The following BTC variants were observed in gnomAD, a reference collection of about 807,000 sequenced individuals.
BTC encodes probetacellulin.
Under a neutral mutation model 18.1 loss-of-function variants are expected in BTC, and 13 were observed. That is an observed-to-expected ratio of 0.72 (90% CI 0.47 to 1.14). BTC has a LOEUF of 1.14. Ranked by LOEUF, BTC falls within the 50% of genes most tolerant of loss-of-function variation. BTC has a pLI of 0.00. For missense variants in BTC, 247 were observed against 224.2 expected, an observed-to-expected ratio of 1.10 and a Z score of -0.65; for synonymous variants, 83 against 79.4, an observed-to-expected ratio of 1.05 and a Z score of -0.24.
intron 1 of BTC, among the ~76,000 whole-genome samples, chr4:74,774,591 T>TAA (rs35445298): frequency 6.9e-5 from 10 of 144,678 alleles, no homozygotes; most frequent in South Asian, 4.4e-4. Flanking sequence ...GGGCATTCTT[T>TAA]AAAAAAAAAA....
chr4:74,781,501 C>A (rs909444841), intron 1 of BTC, among the ~76,000 whole-genome samples: 1 of 151,774 alleles, frequency 6.6e-6, no homozygotes, highest in Admixed American at 6.6e-5. Flanking sequence ...GTGGCCTCTT[C>A]TTTAGCCTCA....
At chr4:74,782,116 T>G (rs1256678246) in intron 1 of BTC, among the ~76,000 whole-genome samples, 1 of 152,184 alleles carries the variant, frequency 6.6e-6, no homozygotes, top group Non-Finnish European at 1.5e-5. Flanking sequence ...TTCTTTTTTT[T>G]TCATTTTAAG....
At chr4:74,794,202 C>T in intron 1 of BTC, 60 bp downstream of exon 1, 1 of 1,544,860 alleles carries the variant, frequency 6.5e-7, no homozygotes, top group South Asian at 1.2e-5. Context: ...GGTTCGCCCT[C>T]CCCGCGACTC....
chr4:74,762,350 A>G (rs964817638), intron 2 of BTC, among the ~76,000 whole-genome samples: 1 of 152,172 alleles, frequency 6.6e-6, no homozygotes, highest in African/African-American at 2.4e-5. Flanking sequence ...TGAACAAATT[A>G]CTTTACCTCT....
At chr4:74,760,361 G>T (rs1473036620) in intron 2 of BTC, among the ~76,000 whole-genome samples, 2 of 152,242 alleles carry the variant, frequency 1.3e-5, no homozygotes, top group African/African-American at 4.8e-5. Context: ...CATATAGGAA[G>T]TAGAGCCTAG....
chr4:74,749,483 AAAAT>A (rs10654944), intron 4 of BTC, among the ~76,000 whole-genome samples: 26 of 143,734 alleles, frequency 1.8e-4, no homozygotes, highest in East Asian at 1.0e-3. Flanking sequence ...ACTCTGTCTC[AAAAT>A]AAATAAATAA....
intron 1 of BTC, among the ~76,000 whole-genome samples, chr4:74,771,033 G>C (rs537911398): frequency 2.2e-4 from 33 of 151,866 alleles, no homozygotes; most frequent in African/African-American, 7.5e-4. Flanking sequence ...GTGACGAAAA[G>C]GCATGGATGA....
chr4:74,757,373 C>T (rs2035286776), intron 2 of BTC, among the ~76,000 whole-genome samples: 1 of 152,094 alleles, frequency 6.6e-6, no homozygotes, highest in South Asian at 2.1e-4. Context: ...ACTGGCTAAC[C>T]TGGTTTGATT....
chr4:74,778,940 C>A (rs1351601559), intron 1 of BTC, among the ~76,000 whole-genome samples: 1 of 152,096 alleles, frequency 6.6e-6, no homozygotes, highest in Non-Finnish European at 1.5e-5. Context: ...AGGAATTTTC[C>A]AAGTTTTCTT....
chr4:74,764,291 A>G (rs978563919), intron 2 of BTC, among the ~76,000 whole-genome samples: 6 of 152,230 alleles, frequency 3.9e-5, no homozygotes, highest in Non-Finnish European at 7.3e-5. Context: ...ACTGGCTTTT[A>G]CACAATGAGT....
At chr4:74,788,928 G>A (rs148135814) in intron 1 of BTC, among the ~76,000 whole-genome samples, 115 of 152,324 alleles carry the variant, frequency 7.5e-4, no homozygotes, top group African/African-American at 2.6e-3. Context: ...GGGAGAAAGC[G>A]ATTCTTACAT....
intron 1 of BTC, among the ~76,000 whole-genome samples, chr4:74,784,520 C>T (rs777541326): frequency 6.6e-6 from 1 of 152,080 alleles, no homozygotes; most frequent in Non-Finnish European, 1.5e-5. Flanking sequence ...CAGGGGAATG[C>T]TTGCAGCTTT....
intron 3 of BTC, among the ~76,000 whole-genome samples, chr4:74,751,266 C>A (rs554615102): frequency 2.0e-5 from 3 of 152,192 alleles, no homozygotes; most frequent in African/African-American, 7.2e-5. Context: ...GAATTTCTTT[C>A]GTCTTTCCTC....
At chr4:74,782,510 C>T (rs1279398786) in intron 1 of BTC, among the ~76,000 whole-genome samples, 1 of 152,168 alleles carries the variant, frequency 6.6e-6, no homozygotes, top group Non-Finnish European at 1.5e-5. Flanking sequence ...CACTGATGGG[C>T]ATTTAGGCTG....
intron 1 of BTC, among the ~76,000 whole-genome samples, chr4:74,791,605 C>T (rs1414199238): frequency 1.3e-5 from 2 of 152,056 alleles, no homozygotes; most frequent in Admixed American, 1.3e-4. Flanking sequence ...CTTTTTATAT[C>T]TCCAACCCCA....
At chr4:74,750,032 G>T (rs1724417331) in intron 4 of BTC, among the ~76,000 whole-genome samples, 1 of 151,724 alleles carries the variant, frequency 6.6e-6, no homozygotes, top group South Asian at 2.1e-4. Context: ...GGAATTTGAG[G>T]CTGCAGTGAG....
chr4:74,765,228 A>G (rs559931136), intron 2 of BTC, among the ~76,000 whole-genome samples: 7 of 152,134 alleles, frequency 4.6e-5, no homozygotes, highest in African/African-American at 1.2e-4. Context: ...AAGATGCTCA[A>G]TGAAGACAGG....
chr4:74,775,006 C>T (rs2109906022), intron 1 of BTC, among the ~76,000 whole-genome samples: 1 of 152,056 alleles, frequency 6.6e-6, no homozygotes, highest in East Asian at 1.9e-4. Flanking sequence ...TCTGGGATGA[C>T]CCCAGAGTTT....
At position 74,747,096 on chromosome 4, in the gene BTC, A is replaced by G. The variant is rs375039283; in HGVS notation, c.*2-421T>C. On this transcript the variant is annotated intron_variant, in intron 5 of 5. Transcript: ENST00000395743. ...AAGCCCACCTTACCTCTGGACTGCC[A>G]TTCATGTGAGCCAATACGTTGCCTT... Among the ~76,000 whole-genome samples, 37 of 152,348 alleles carry G rather than the reference A, an allele frequency of 2.4e-4. No homozygotes were observed. In the East Asian group the frequency reaches 3.3e-3, roughly 14 times the overall value.
Sources: gnomAD v4.1 joint callset for allele counts (sites outside exome capture counted in the v4.1 genomes callset) on GRCh38, gnomAD v4.1.1 for gene constraint, MANE v1.5 for transcripts, NCBI Gene and HGNC (gene_info 2026-07-23, HGNC 2026-07-21) for gene names.